The following SEZ6L variants were observed in gnomAD, a reference collection of about 807,000 sequenced individuals.
SEZ6L encodes the protein seizure 6-like protein.
In SEZ6L, 37 loss-of-function variants were observed where a neutral mutation model predicts 106.2. That is an observed-to-expected ratio of 0.35 (90% CI 0.27 to 0.46). SEZ6L has a LOEUF of 0.46. Ranked by LOEUF, SEZ6L falls within the 20% of genes least tolerant of loss-of-function variation. SEZ6L has a pLI of 1.00. For missense variants in SEZ6L, 1,172 were observed against 1,332.8 expected, an observed-to-expected ratio of 0.88 and a Z score of 1.88; for synonymous variants, 541 against 570.4, an observed-to-expected ratio of 0.95 and a Z score of 0.73.
intron 1 of SEZ6L, among the ~76,000 whole-genome samples, chr22:26,272,265 G>A (rs553231964): frequency 5.9e-5 from 9 of 152,310 alleles, no homozygotes; most frequent in African/African-American, 2.2e-4. Context: ...TCATCAAGCT[G>A]TGTTCTTACA....
intron 9 of SEZ6L, among the ~76,000 whole-genome samples, chr22:26,320,134 T>C (rs1026297530): frequency 6.6e-6 from 1 of 152,194 alleles, no homozygotes; most frequent in Middle Eastern, 3.2e-3. Context: ...TTTATAGGGT[T>C]ATAGTTTCAA....
In SEZ6L at chr22:26,296,923, C is replaced by T; in HGVS notation, c.1005C>T (p.Leu335=). The T allele has an allele frequency of 6.2e-7, 1 of 1,612,582 alleles. No homozygotes were observed. Residue 335 remains leucine, a synonymous_variant, in exon 4 of 17, where the codon CTC becomes CTT. Transcript: ENST00000248933. Reference sequence around the variant, plus strand: ...TGAACCTGTCCGATGGGGAACTGCTCTCCATCCGCGGGGTGGACGGCCCTA... The same window carrying T: ...TGAACCTGTCCGATGGGGAACTGCTTTCCATCCGCGGGGTGGACGGCCCTA... ...KSVNLSDGEL[L]SIRGVDGPTL... is the part of the protein sequence containing the mutation.
chr22:26,352,982 C>T (rs763419634), intron 12 of SEZ6L, among the ~76,000 whole-genome samples: 2 of 152,232 alleles, frequency 1.3e-5, no homozygotes, highest in Non-Finnish European at 2.9e-5. Flanking sequence ...AAAGCGCTTG[C>T]TTCATAGATT....
intron 1 of SEZ6L, among the ~76,000 whole-genome samples, chr22:26,200,556 C>G (rs942516826): frequency 6.6e-6 from 1 of 152,130 alleles, no homozygotes; most frequent in African/African-American, 2.4e-5. Context: ...ACTGGAGTCC[C>G]TATGTGAGAA....
chr22:26,298,914 A>G, intron 4 of SEZ6L, 70 bp from the exon 5 acceptor site: 1 of 1,439,084 alleles, frequency 6.9e-7, no homozygotes, highest in East Asian at 2.6e-5. Context: ...ACTGGCTCCC[A>G]GGATGTGGGT....
At chr22:26,378,283 C>T (rs1282012694) in intron 16 of SEZ6L, among the ~76,000 whole-genome samples, 1 of 152,144 alleles carries the variant, frequency 6.6e-6, no homozygotes, top group Non-Finnish European at 1.5e-5. Context: ...ACTTTAAATG[C>T]ATAATCTCCT....
intron 1 of SEZ6L, among the ~76,000 whole-genome samples, chr22:26,175,653 CA>C (rs1266017763): frequency 2.0e-5 from 3 of 152,092 alleles, no homozygotes; most frequent in African/African-American, 7.2e-5. Context: ...AGAGAGTGAG[CA>C]GTCCAGCTGG....
chr22:26,169,849 T>A, intron 1 of SEZ6L, 86 bp downstream of exon 1: 1 of 594,618 alleles, frequency 1.7e-6, no homozygotes. Context: ...CCAGGGCGAC[T>A]CAGGCACCAC....
At chr22:26,312,176 C>T (rs1358501442) in intron 8 of SEZ6L, among the ~76,000 whole-genome samples, 1 of 152,218 alleles carries the variant, frequency 6.6e-6, no homozygotes. Context: ...GCACCTTCTT[C>T]CAGGCATAGG....
chr22:26,231,903 C>G (rs2078809062), intron 1 of SEZ6L, among the ~76,000 whole-genome samples: 1 of 152,200 alleles, frequency 6.6e-6, no homozygotes, highest in Non-Finnish European at 1.5e-5. Flanking sequence ...GCTGTGGACC[C>G]TGGTAAGCCA....
intron 12 of SEZ6L, among the ~76,000 whole-genome samples, chr22:26,361,514 A>T (rs1293158744): frequency 1.5e-5 from 2 of 136,628 alleles, no homozygotes; most frequent in Middle Eastern, 3.4e-3. Context: ...CTCAAAAAAA[A>T]AAAAAAATAT....
At chr22:26,251,127 A>T (rs1395467195) in intron 1 of SEZ6L, among the ~76,000 whole-genome samples, 1 of 152,074 alleles carries the variant, frequency 6.6e-6, no homozygotes, top group Non-Finnish European at 1.5e-5. Context: ...TCCACTTTGG[A>T]TGTTCTTTCT....
At chr22:26,274,828 G>T (rs1022253815) in intron 1 of SEZ6L, among the ~76,000 whole-genome samples, 1 of 152,170 alleles carries the variant, frequency 6.6e-6, no homozygotes, top group African/African-American at 2.4e-5. Flanking sequence ...AAACTCACCC[G>T]ACCTTCAGTG....
At chr22:26,326,705 C>A in intron 9 of SEZ6L, among the ~76,000 whole-genome samples, 1 of 152,196 alleles carries the variant, frequency 6.6e-6, no homozygotes, top group South Asian at 2.1e-4. Flanking sequence ...AGCCAGCCTC[C>A]CTTGAGAGCT....
chr22:26,354,147 C>T (rs1451871482), intron 12 of SEZ6L, among the ~76,000 whole-genome samples: 1 of 152,150 alleles, frequency 6.6e-6, no homozygotes, highest in Non-Finnish European at 1.5e-5. Context: ...ATTAGAACTT[C>T]AAAGTTCTAA....
intron 1 of SEZ6L, among the ~76,000 whole-genome samples, chr22:26,246,461 T>C (rs529053337): frequency 4.6e-5 from 7 of 152,058 alleles, no homozygotes; most frequent in African/African-American, 1.7e-4. Context: ...GTTATTAATC[T>C]AGAGAGGAAG....
intron 1 of SEZ6L, among the ~76,000 whole-genome samples, chr22:26,182,094 T>C (rs1408932631): frequency 6.6e-6 from 1 of 152,168 alleles, no homozygotes; most frequent in Non-Finnish European, 1.5e-5. Context: ...TCCCCACCTC[T>C]CAACACTACA....
intron 9 of SEZ6L, among the ~76,000 whole-genome samples, chr22:26,329,649 C>A (rs1015189810): frequency 6.6e-6 from 1 of 152,152 alleles, no homozygotes; most frequent in African/African-American, 2.4e-5. Context: ...AAAGGCCCCT[C>A]GACAATTCTG....
intron 9 of SEZ6L, among the ~76,000 whole-genome samples, chr22:26,325,701 A>G (rs1453198195): frequency 6.6e-6 from 1 of 152,140 alleles, no homozygotes; most frequent in African/African-American, 2.4e-5. Context: ...AAGTCACCCC[A>G]CTTCTCTGGA....
Sources: gnomAD v4.1 joint callset for allele counts (sites outside exome capture counted in the v4.1 genomes callset) on GRCh38, gnomAD v4.1.1 for gene constraint, MANE v1.5 for transcripts, NCBI Gene and HGNC (gene_info 2026-07-23, HGNC 2026-07-21) for gene names.